The following RAB3IP variants were observed in gnomAD, a reference collection of about 807,000 sequenced individuals.
RAB3IP encodes RAB3A interacting protein.
A neutral mutation model predicts 59.1 loss-of-function variants in RAB3IP; 36 were observed. The ratio of observed to expected loss-of-function variants is 0.61; its 90% CI spans 0.47 to 0.80. RAB3IP has a LOEUF of 0.80. Ranked by LOEUF, RAB3IP falls within the 30% of genes least tolerant of loss-of-function variation. The pLI, the probability that RAB3IP is intolerant of heterozygous loss-of-function variation, is 0.00. For missense variants in RAB3IP, 511 were observed against 536.0 expected (o/e 0.95, Z 0.46); for synonymous variants, 207 against 191.2 (o/e 1.08, Z -0.68).
intron 1 of RAB3IP, among the ~76,000 whole-genome samples, chr12:69,751,402 G>A (rs1869261550): frequency 6.6e-6 from 1 of 152,048 alleles, no homozygotes; most frequent in African/African-American, 2.4e-5. Flanking sequence ...TTTTTTGGAG[G>A]ACATGGTATT....
At chr12:69,761,992 C>T (rs1408306784) in intron 3 of RAB3IP, among the ~76,000 whole-genome samples, 3 of 152,168 alleles carry the variant, frequency 2.0e-5, no homozygotes, top group Non-Finnish European at 4.4e-5. Flanking sequence ...AGAGAAGGTA[C>T]AGCTTCTTCT....
rs1382179496 is a variant in RAB3IP at position 69,783,383 on chromosome 12, TC to T, written c.511-1335del. ...TCTCTAGTATTTTCTGTCAACTGTT[TC>T]CTTTGGAACTTTGCCACTCCCTTCC... On this transcript the variant is annotated intron_variant, in intron 3 of 10. Transcript: ENST00000247833. 5.3e-5 allele frequency among the ~76,000 whole-genome samples: 8 copies of T among 152,356 alleles called. No homozygotes were observed. The South Asian group carries it at 1.7e-3, about 32-fold the overall frequency.
In RAB3IP at chr12:69,796,510, T is replaced by A. The variant is rs1019225141; in HGVS notation, c.888+1166T>A. On this transcript the variant is annotated intron_variant, in intron 6 of 10. Coordinates refer to ENST00000247833, the MANE Select transcript of RAB3IP (RefSeq NM_022456.5). ...TTTTACATTGTTAAATTCAAGTCCATCATTAATCTTGAAGAAATGTGTGTG... is the reference window on the plus strand; with the variant it reads ...TTTTACATTGTTAAATTCAAGTCCAACATTAATCTTGAAGAAATGTGTGTG... The A allele has an allele frequency of 8.9e-6, 4 of 451,228 alleles. No homozygotes were observed. The South Asian group carries it at 2.1e-4, about 23-fold the overall frequency. The allele number at this position is 451,228 out of a possible 1,614,324, so 28.0% of individuals were successfully genotyped here.
At chr12:69,801,438 G>A (rs1029036791) in intron 7 of RAB3IP, among the ~76,000 whole-genome samples, 171 bp from the exon 8 acceptor site, 4 of 152,116 alleles carry the variant, frequency 2.6e-5, no homozygotes, top group African/African-American at 9.7e-5. Flanking sequence ...ACAGTGTTTG[G>A]ATTATAAAAT....
rs1366507867 is a variant in RAB3IP at position 69,820,016 on chromosome 12, C to A, written c.*4570C>A. 1 of 152,242 alleles carries A rather than the reference C, an allele frequency of 6.6e-6. No individual in the cohort carries two copies. The highest frequency in any genetic ancestry group is 1.5e-5 in the Non-Finnish European group (1 of 68,044). 9.4% of individuals were successfully genotyped at this position (152,242 alleles called of 1,614,324 possible). ...TTACGTCTTCACTTACTCCCATCGC[C>A]ACCACAAGAATCCTGTGTGTTTTTG... On this transcript the variant is annotated 3_prime_UTR_variant, in exon 11 of 11. Coordinates refer to ENST00000247833, the MANE Select transcript of RAB3IP (RefSeq NM_022456.5).
chr12:69,800,025 T>C (rs925335866), intron 6 of RAB3IP, among the ~76,000 whole-genome samples, 184 bp from the exon 7 acceptor site: 3 of 42,162 alleles, frequency 7.1e-5, no homozygotes, highest in Non-Finnish European at 1.9e-4. Context: ...CCAGGTATTA[T>C]TTGAGAGTAT....
rs537354527 is a variant in RAB3IP, at chr12:69,759,828, C to T, written c.510+3165C>T. On this transcript the variant is annotated intron_variant, in intron 3 of 10. Coordinates refer to ENST00000247833, the MANE Select transcript of RAB3IP (RefSeq NM_022456.5). ...CCTCCCTCCCGGACGGGGCGGCTGC[C>T]GGGCGGAGGGGCTCCTCACTTCTCA... Among the ~76,000 whole-genome samples the T allele has an allele frequency of 2.1e-3, 325 of 151,902 alleles. 3 individuals are homozygous for T. Among genetic ancestry groups the T allele is most frequent in the African/African-American group, 7.5e-3 (312 of 41,444 alleles).
At chr12:69,739,700 T>A (rs1262607417) in intron 1 of RAB3IP, 2 of 769,032 alleles carry the variant, frequency 2.6e-6, no homozygotes, top group African/African-American at 3.5e-5. Context: ...TCGGGGGAGT[T>A]GAGACGAACT....
In RAB3IP at chr12:69,818,464, AG is replaced by A. The variant is rs1881370064; in HGVS notation, c.*3019del. The A allele has an allele frequency of 6.6e-6, 1 of 151,614 alleles. No individual in the cohort carries two copies. Among genetic ancestry groups the A allele is most frequent in the Non-Finnish European group, 1.5e-5 (1 of 67,944 alleles). 9.4% of individuals were successfully genotyped at this position (151,614 alleles called of 1,614,324 possible). ...GATCATACCTTAAAAAAAAAAAAAA[AG>A]TATACCCATGGGTCAGCAATTTCAC... On this transcript the variant is annotated 3_prime_UTR_variant, in exon 11 of 11. Coordinates refer to ENST00000247833, the MANE Select transcript of RAB3IP (RefSeq NM_022456.5).
At chr12:69,783,679 G>A (rs932847077) in intron 3 of RAB3IP, among the ~76,000 whole-genome samples, 2 of 152,140 alleles carry the variant, frequency 1.3e-5, no homozygotes, top group Non-Finnish European at 2.9e-5. Flanking sequence ...TTTGCTCTCC[G>A]AGTTTTCTCC....
chr12:69,741,281 G>A (rs1310809731), intron 1 of RAB3IP, among the ~76,000 whole-genome samples: 3 of 152,168 alleles, frequency 2.0e-5, no homozygotes, highest in Non-Finnish European at 4.4e-5. Flanking sequence ...AGGAAATGGA[G>A]GCTTAGAAAG....
rs1555232303 is a variant in RAB3IP, at chr12:69,818,063, C to CAGT, written c.*2618_*2619insGTA. 1.3e-5 allele frequency: 2 copies of CAGT among 151,822 alleles called. No individual in the cohort carries two copies. The highest frequency in any genetic ancestry group is 2.9e-5 in the Non-Finnish European group (2 of 67,960). 9.4% of individuals were successfully genotyped at this position (151,822 alleles called of 1,614,324 possible). ...TTCGATTGGTGAAAATGAAGAAACA[C>CAGT]AAAGTCAAGTTTTGGAGAGGGTTTT... On this transcript the variant is annotated 3_prime_UTR_variant, in exon 11 of 11. Transcript: ENST00000247833.
chr12:69,805,215 C>G (rs1227047111), intron 8 of RAB3IP, among the ~76,000 whole-genome samples: 1 of 152,062 alleles, frequency 6.6e-6, no homozygotes, highest in African/African-American at 2.4e-5. Flanking sequence ...CCTTCACATC[C>G]CTTGTAAATT....
intron 3 of RAB3IP, among the ~76,000 whole-genome samples, chr12:69,765,696 C>T (rs576865092): frequency 5.9e-5 from 9 of 152,160 alleles, no homozygotes; most frequent in African/African-American, 1.2e-4. Context: ...GGCTGCCGAA[C>T]GAAGCATGCA....
At chr12:69,761,168 G>C (rs1340082157) in intron 3 of RAB3IP, among the ~76,000 whole-genome samples, 6 of 152,064 alleles carry the variant, frequency 3.9e-5, no homozygotes, top group Admixed American at 2.6e-4. Flanking sequence ...CTTTTCTTCT[G>C]AAATATCTAA....
chr12:69,762,493 C>T lies in RAB3IP; in HGVS notation c.510+5830C>T, dbSNP rs986003713. 5.3e-5 allele frequency among the ~76,000 whole-genome samples: 8 copies of T among 152,248 alleles called. No homozygotes were observed. In the South Asian group the frequency reaches 1.4e-3, roughly 28 times the overall value. On this transcript the variant is annotated intron_variant, in intron 3 of 10. Transcript: ENST00000247833. ...AGAAAATGAGCTGGGCGAAGTGGCT[C>T]ACGCCTGTAGTCCCAGCACTTTGGG... is the stretch of plus-strand genomic sequence containing the variant.
Position 69,815,566 on chromosome 12 carries a change from A to G in RAB3IP, c.*120A>G. On this transcript the variant is annotated 3_prime_UTR_variant, in exon 11 of 11. Transcript: ENST00000247833. Reference sequence around the variant, plus strand: ...CTAAGACTTTTTTCCCCTTTTGCAAATTGCTCTAAGAAGTACCATGATTTC... The same window carrying G: ...CTAAGACTTTTTTCCCCTTTTGCAAGTTGCTCTAAGAAGTACCATGATTTC... The G allele has an allele frequency of 1.5e-6, 1 of 687,564 alleles. No homozygotes were observed. The highest frequency in any genetic ancestry group is 2.7e-5 in the East Asian group (1 of 36,978). The allele number at this position is 687,564 out of a possible 1,614,324, so 42.6% of individuals were successfully genotyped here.
chr12:69,756,632 G>A lies in RAB3IP; in HGVS notation c.479G>A (p.Arg160Gln), dbSNP rs756835019. 1.2e-6 allele frequency: 2 copies of A among 1,613,612 alleles called. No homozygotes were observed. Among genetic ancestry groups the A allele is most frequent in the Non-Finnish European group, 8.5e-7 (1 of 1,179,772 alleles). ...VLEVREKGYE[R>Q]LKEELAKAQR... ...GAAGTTAGAGAAAAGGGCTATGAAC[G>A]ATTAAAAGAAGAACTCGCAAAAGCT... The change falls in exon 3 of 11, where the codon CGA becomes CAA. Residue 160 changes from arginine (R) to glutamine (Q), a missense_variant. By Grantham distance (43) the Arg-to-Gln change is conservative. Coordinates refer to ENST00000247833, the MANE Select transcript of RAB3IP (RefSeq NM_022456.5).
intron 3 of RAB3IP, among the ~76,000 whole-genome samples, chr12:69,779,705 GTC>G (rs1874327285): frequency 6.9e-6 from 1 of 144,280 alleles, no homozygotes; most frequent in Admixed American, 6.9e-5. Context: ...TTTTTCCAGC[GTC>G]TCTCTTAAAT....
Sources: allele counts gnomAD v4.1 joint callset (sites outside exome capture counted in the v4.1 genomes callset), GRCh38; gene constraint gnomAD v4.1.1; transcripts MANE v1.5; gene names NCBI Gene and HGNC (gene_info 2026-07-23, HGNC 2026-07-21).